MAP9: variants seen among roughly 807,000 people sequenced by gnomAD.
MAP9 encodes microtubule-associated protein 9.
Under a neutral mutation model 75.2 loss-of-function variants are expected in MAP9, and 80 were observed. The ratio of observed to expected loss-of-function variants is 1.06; its 90% CI spans 0.89 to 1.28. MAP9 has a LOEUF of 1.28. Ranked by LOEUF, MAP9 falls within the 50% of genes most tolerant of loss-of-function variation. MAP9 has a pLI of 0.00. For synonymous variants in MAP9, 235 were observed against 237.3 expected, an observed-to-expected ratio of 0.99 and a Z score of 0.09; for missense variants, 753 against 719.9, an observed-to-expected ratio of 1.05 and a Z score of -0.53.
intron 4 of MAP9, among the ~76,000 whole-genome samples, chr4:155,371,012 T>C (rs1431700851): frequency 6.6e-6 from 1 of 152,196 alleles, no homozygotes; most frequent in Non-Finnish European, 1.5e-5. Flanking sequence ...TCTAGCAGGC[T>C]GCAGATCTCA....
intron 7 of MAP9, among the ~76,000 whole-genome samples, chr4:155,358,580 A>T (rs1731911390): frequency 6.6e-6 from 1 of 152,190 alleles, no homozygotes; most frequent in Admixed American, 6.6e-5. Context: ...TGACAAATTC[A>T]GGAGAAACAA....
chr4:155,348,892 T>A (rs1731385407), intron 13 of MAP9, among the ~76,000 whole-genome samples: 1 of 152,180 alleles, frequency 6.6e-6, no homozygotes, highest in Admixed American at 6.6e-5. Flanking sequence ...ATATGTGCAC[T>A]TTTTATGTGT....
At chr4:155,376,078 A>G (rs1035354357) in intron 1 of MAP9, among the ~76,000 whole-genome samples, 164 bp from the exon 2 acceptor site, 1 of 152,220 alleles carries the variant, frequency 6.6e-6, no homozygotes, top group Non-Finnish European at 1.5e-5. Context: ...TTCTCATAAC[A>G]AGCTTGTTTA....
At chr4:155,355,570 T>A in intron 9 of MAP9, 146 bp downstream of exon 9, 1 of 566,520 alleles carries the variant, frequency 1.8e-6, no homozygotes, top group East Asian at 3.0e-5. Context: ...AAAATATGAT[T>A]ACTCATGTAT....
At chr4:155,375,617 T>C (rs780264924) in intron 2 of MAP9, among the ~76,000 whole-genome samples, 159 bp downstream of exon 2, 1 of 152,194 alleles carries the variant, frequency 6.6e-6, no homozygotes. Flanking sequence ...TAGGGGAGTT[T>C]GTAATACTGG....
chr4:155,357,407 G>T, intron 8 of MAP9, 42 bp downstream of exon 8: 2 of 1,166,346 alleles, frequency 1.7e-6, no homozygotes, highest in Non-Finnish European at 2.6e-6. Flanking sequence ...AGCTTTGCTA[G>T]AATGCAAGCC....
intron 3 of MAP9, 70 bp downstream of exon 3, chr4:155,374,867 G>A: frequency 1.1e-6 from 1 of 933,764 alleles, no homozygotes; most frequent in African/African-American, 1.6e-5. Context: ...GTGGTTGGGG[G>A]GCTGGCTAAA....
At chr4:155,355,395 A>T (rs77345264) in intron 9 of MAP9, among the ~76,000 whole-genome samples, 2 of 152,030 alleles carry the variant, frequency 1.3e-5, no homozygotes, top group Non-Finnish European at 2.9e-5. Flanking sequence ...TTTGTTCATA[A>T]TAACTCCTTT....
Position 155,355,717 on chromosome 4 carries a change from T to C in MAP9, c.1289A>G (p.Gln430Arg). Reference sequence around the variant, plus strand: ...CTTAAAAATATTTTCCTTTTTTACCTGATAAACAGCTGCCCTTATGTTATC... The same window carrying C: ...CTTAAAAATATTTTCCTTTTTTACCCGATAAACAGCTGCCCTTATGTTATC... ...RADNIRAAVY[Q>R]EWLEKKNVYL... Residue 430 changes from glutamine (Q) to arginine (R), a missense_variant and splice_region_variant, in exon 9 of 14, where the codon CAG (glutamine) becomes CGG (arginine). By Grantham distance (43) the Gln-to-Arg change is conservative. Transcript: ENST00000311277. The C allele has an allele frequency of 6.2e-7, 1 of 1,601,964 alleles. No homozygotes were observed. The highest frequency in any genetic ancestry group is 8.5e-7 in the Non-Finnish European group (1 of 1,176,538).
Position 155,343,739 on chromosome 4 carries a change from TTAA to T in MAP9, c.*4041_*4043del, listed in dbSNP as rs1731190921. 4 of 151,862 alleles carry T rather than the reference TTAA, an allele frequency of 2.6e-5. No individual in the cohort carries two copies. Among genetic ancestry groups the T allele is most frequent in the African/African-American group, 9.7e-5 (4 of 41,414 alleles). 9.4% of individuals were successfully genotyped at this position (151,862 alleles called of 1,614,324 possible). A position where few individuals can be genotyped will look rare whatever the true frequency, so the allele number is the denominator to read the frequency against. ...TCAAAAAGCAGACATTAATATCTTC[TTAA>T]TAATTTTTAAAACATCCTAAATTTA... On this transcript the variant is annotated 3_prime_UTR_variant, in exon 14 of 14. Transcript: ENST00000311277.
chr4:155,376,760 G>A lies in MAP9; in HGVS notation c.-65+11C>T, dbSNP rs888147689. 1 of 152,978 alleles carries A rather than the reference G, an allele frequency of 6.5e-6. No homozygotes were observed. The highest frequency in any genetic ancestry group is 1.5e-5 in the Non-Finnish European group (1 of 68,318). The allele number at this position is 152,978 out of a possible 1,614,324, so 9.5% of individuals were successfully genotyped here. A position where few individuals can be genotyped will look rare whatever the true frequency, so the allele number is the denominator to read the frequency against. ...GAATCAAGAGCCAAGCATCGGGTAG[G>A]AGCTGCTCACCTTGGTCTGGGCCTG... On this transcript the variant is annotated intron_variant, in intron 1 of 13. Coordinates refer to ENST00000311277, the MANE Select transcript of MAP9 (RefSeq NM_001039580.2).
chr4:155,360,579 A>G, intron 6 of MAP9, 164 bp from the exon 7 acceptor site: 1 of 639,874 alleles, frequency 1.6e-6, no homozygotes, highest in Non-Finnish European at 2.4e-6. Context: ...TCTTTTCGAA[A>G]GTGATTTACA....
intron 9 of MAP9, 46 bp from the exon 10 acceptor site, chr4:155,355,206 G>A (rs770928002): frequency 1.6e-6 from 1 of 633,288 alleles, no homozygotes; most frequent in Non-Finnish European, 2.5e-6. Flanking sequence ...AATTTCTTAA[G>A]TGAATTAGAA....
intron 13 of MAP9, chr4:155,351,031 T>C (rs1433603397): frequency 6.6e-6 from 1 of 151,798 alleles, no homozygotes; most frequent in Non-Finnish European, 1.5e-5. Flanking sequence ...CTTAAGTTTA[T>C]GGAAAAAATA....
intron 10 of MAP9, 99 bp from the exon 11 acceptor site, chr4:155,353,439 T>A: frequency 1.0e-6 from 1 of 960,220 alleles, no homozygotes; most frequent in Non-Finnish European, 1.3e-6. Flanking sequence ...CATTTATCTT[T>A]AGTCCTCTGA....
At position 155,355,778 on chromosome 4, in the gene MAP9, G is replaced by T. The variant is rs745986723; in HGVS notation, c.1228C>A (p.Pro410Thr). ...LGTLKVLDQK[P>T]SQKQSIEPDR... Reference sequence around the variant, plus strand: ...GGTTCTATGCTCTGTTTCTGTGAAGGTTTTTGGTCCAAGACTTTTAAAGTC... The same window carrying T: ...GGTTCTATGCTCTGTTTCTGTGAAGTTTTTTGGTCCAAGACTTTTAAAGTC... Residue 410 changes from proline (P) to threonine (T), a missense_variant, in exon 9 of 14, where the codon CCT becomes ACT. By Grantham distance (38) the Pro-to-Thr change is conservative (BLOSUM62 -1). Transcript: ENST00000311277. 2.1e-5 allele frequency: 34 copies of T among 1,613,804 alleles called. No homozygotes were observed. The highest frequency in any genetic ancestry group is 2.8e-5 in the Non-Finnish European group (33 of 1,179,932).
chr4:155,355,928 T>C, intron 8 of MAP9, 44 bp from the exon 9 acceptor site: 1 of 1,526,360 alleles, frequency 6.6e-7, no homozygotes, highest in Non-Finnish European at 9.0e-7. Flanking sequence ...TACAATTGCA[T>C]TTGGTAGAAG....
chr4:155,356,925 G>A (rs1194014839), intron 8 of MAP9, among the ~76,000 whole-genome samples: 2 of 152,142 alleles, frequency 1.3e-5, no homozygotes, highest in Non-Finnish European at 2.9e-5. Flanking sequence ...CATTATCATT[G>A]GTGTGAATGA....
chr4:155,373,433 T>C lies in MAP9; in HGVS notation c.184A>G (p.Thr62Ala), dbSNP rs1732694928. 2 of 1,562,664 alleles carry C rather than the reference T, an allele frequency of 1.3e-6. No individual in the cohort carries two copies. Among genetic ancestry groups the C allele is most frequent in the Non-Finnish European group, 1.7e-6 (2 of 1,156,410 alleles). The change falls in exon 4 of 14, where the codon ACT (threonine) becomes GCT (alanine). Residue 62 changes from threonine to alanine, a missense_variant. Coordinates refer to ENST00000311277, the MANE Select transcript of MAP9 (RefSeq NM_001039580.2). ...TTAACTGAATTTTCATCTGCTGAAG[T>C]GTCAGAAAAATCACCTAAAGAAACT... ...EIVSLGDFSD[T>A]SADENSVNKK...
Sources: gnomAD v4.1 joint callset for allele counts (sites outside exome capture counted in the v4.1 genomes callset) on GRCh38, gnomAD v4.1.1 for gene constraint, MANE v1.5 for transcripts, NCBI Gene and HGNC (gene_info 2026-07-23, HGNC 2026-07-21) for gene names.